Variants in BANF2 observed in about 807,000 individuals in gnomAD.
BANF2 encodes the protein BANF family member 2.
BANF2 carries 4 observed loss-of-function variants against 8.0 expected under a neutral mutation model. That is an observed-to-expected ratio of 0.50 (90% confidence interval 0.25 to 1.14). The LOEUF is 1.14. BANF2 is among the 50% of genes most tolerant of loss of function. BANF2 has a pLI of 0.16. For synonymous variants in BANF2, 50 were observed against 40.6 expected (o/e 1.23, Z -0.88); for missense variants, 96 against 107.5 (o/e 0.89, Z 0.47).
intron 1 of BANF2, among the ~76,000 whole-genome samples, chr20:17,711,722 T>A (rs2037576586): frequency 6.6e-6 from 1 of 152,094 alleles, no homozygotes; most frequent in South Asian, 2.1e-4. Context: ...CTCCCAGGTG[T>A]CTCCAGGTGT....
At chr20:17,694,015 A>G (rs1326429139) in intron 1 of BANF2, among the ~76,000 whole-genome samples, 2 of 152,244 alleles carry the variant, frequency 1.3e-5, no homozygotes, top group Non-Finnish European at 2.9e-5. Context: ...TTTGCCTCAC[A>G]GTCTCTCCTT....
intron 1 of BANF2, among the ~76,000 whole-genome samples, chr20:17,715,543 C>T (rs1048510210): frequency 2.6e-5 from 4 of 152,332 alleles, no homozygotes; most frequent in East Asian, 1.9e-4. Context: ...TCGGAGCTAA[C>T]GGCAAGGAAG....
At chr20:17,727,861 C>T (rs2037831439) in intron 3 of BANF2, among the ~76,000 whole-genome samples, 1 of 152,132 alleles carries the variant, frequency 6.6e-6, no homozygotes, top group African/African-American at 2.4e-5. Flanking sequence ...ACCTCAGCCT[C>T]CCAAGTAGCT....
At chr20:17,694,562 T>TTTA (rs1373743246) in intron 1 of BANF2, among the ~76,000 whole-genome samples, 8 of 151,436 alleles carry the variant, frequency 5.3e-5, no homozygotes, top group Non-Finnish European at 1.2e-4. Flanking sequence ...ATTGTAGTGT[T>TTTA]TTATAGTTTG....
chr20:17,725,460 G>A (rs960254104), intron 3 of BANF2, among the ~76,000 whole-genome samples: 1 of 152,248 alleles, frequency 6.6e-6, no homozygotes, highest in African/African-American at 2.4e-5. Context: ...TCTGAGATGA[G>A]CTGTCAGGAT....
At chr20:17,712,999 A>C (rs900315066) in intron 1 of BANF2, among the ~76,000 whole-genome samples, 6 of 152,044 alleles carry the variant, frequency 3.9e-5, no homozygotes, top group Non-Finnish European at 7.4e-5. Context: ...TGTAATCCTA[A>C]TATTTTGGGA....
intron 3 of BANF2, among the ~76,000 whole-genome samples, chr20:17,732,273 A>G (rs1023739660): frequency 6.6e-6 from 1 of 152,184 alleles, no homozygotes; most frequent in Non-Finnish European, 1.5e-5. Context: ...CGCAAACTGG[A>G]GGGTGATTCC....
chr20:17,731,751 T>C (rs1191924733), intron 3 of BANF2, among the ~76,000 whole-genome samples: 1 of 92,340 alleles, frequency 1.1e-5, no homozygotes, highest in African/African-American at 4.5e-5. Context: ...TGAGATCCCG[T>C]CTCTTAGGAA....
At chr20:17,719,785 T>G (rs2037704211) in intron 1 of BANF2, among the ~76,000 whole-genome samples, 1 of 152,030 alleles carries the variant, frequency 6.6e-6, no homozygotes, top group African/African-American at 2.4e-5. Context: ...GTCTTCCTAT[T>G]GATGGCTAAT....
At chr20:17,704,647 TCTTC>T (rs555578607) in intron 1 of BANF2, among the ~76,000 whole-genome samples, 18 of 152,374 alleles carry the variant, frequency 1.2e-4, no homozygotes, top group Middle Eastern at 3.4e-3. Context: ...CTTTAAGGCC[TCTTC>T]CTTCTTTAAC....
intron 1 of BANF2, among the ~76,000 whole-genome samples, chr20:17,706,254 G>A (rs975526280): frequency 2.6e-5 from 4 of 152,150 alleles, no homozygotes; most frequent in African/African-American, 9.7e-5. Flanking sequence ...GTGTGCTGAC[G>A]TGAGGGTGAT....
intron 3 of BANF2, among the ~76,000 whole-genome samples, chr20:17,728,083 T>G (rs1256791813): frequency 6.6e-6 from 1 of 152,172 alleles, no homozygotes; most frequent in Non-Finnish European, 1.5e-5. Flanking sequence ...GGGAGGGACA[T>G]CTTTCTGAGC....
rs536982972 is a variant in BANF2 at position 17,709,325 on chromosome 20, G to A, written c.-167+9270G>A. ...ACTCAGATGCCTTGGTCCTTAGGAG[G>A]ATCCAGAACCACCGCACTGAGGCCT... is the stretch of plus-strand genomic sequence containing the variant. On this transcript the variant is annotated intron_variant, in intron 1 of 3. Transcript: ENST00000246090. Among the ~76,000 whole-genome samples, 218 of 152,262 alleles carry A rather than the reference G, an allele frequency of 1.4e-3. 1 individual carries two copies. The highest frequency in any genetic ancestry group is 3.7e-3 in the Admixed American group (56 of 15,290).
intron 3 of BANF2, among the ~76,000 whole-genome samples, chr20:17,731,826 G>T (rs2037901179): frequency 6.7e-6 from 1 of 149,882 alleles, no homozygotes; most frequent in Non-Finnish European, 1.5e-5. Flanking sequence ...CAGCACTTTG[G>T]GAGGCCGAGG....
At chr20:17,715,918 G>T (rs2037645187) in intron 1 of BANF2, among the ~76,000 whole-genome samples, 2 of 152,304 alleles carry the variant, frequency 1.3e-5, no homozygotes, top group Non-Finnish European at 2.9e-5. Flanking sequence ...ATGATTACTG[G>T]GGACTCTGTC....
chr20:17,708,300 AT>A (rs1359178453), intron 1 of BANF2, among the ~76,000 whole-genome samples: 1 of 152,142 alleles, frequency 6.6e-6, no homozygotes, highest in African/African-American at 2.4e-5. Flanking sequence ...GTCAAATTGT[AT>A]TTATATGTGC....
intron 1 of BANF2, among the ~76,000 whole-genome samples, chr20:17,716,707 G>A (rs1361553681): frequency 2.6e-5 from 4 of 151,440 alleles, no homozygotes; most frequent in Admixed American, 6.6e-5. Context: ...CAGGTGGTGC[G>A]GCATGCATCT....
At chr20:17,731,759 G>GAAAAAAAAAAA (rs58645809) in intron 3 of BANF2, among the ~76,000 whole-genome samples, 1 of 95,060 alleles carries the variant, frequency 1.1e-5, no homozygotes, top group African/African-American at 4.4e-5. Flanking sequence ...CGTCTCTTAG[G>GAAAAAAAAAAA]AAAAAAAAAA....
At chr20:17,696,024 G>C (rs766304983), upstream of BANF2, among the ~76,000 whole-genome samples, 8 of 152,164 alleles carry the variant, frequency 5.3e-5, no homozygotes, top group African/African-American at 9.7e-5. Context: ...TTTTGTTGCT[G>C]ATTAATATTT....
Sources: gnomAD v4.1 joint callset for allele counts (sites outside exome capture counted in the v4.1 genomes callset) on GRCh38, gnomAD v4.1.1 for gene constraint, MANE v1.5 for transcripts, NCBI Gene and HGNC (gene_info 2026-07-23, HGNC 2026-07-21) for gene names.